STAU1: variants seen among roughly 807,000 people sequenced by gnomAD.
STAU1 encodes the protein double-stranded RNA-binding protein Staufen homolog 1.
Under a neutral mutation model 62.9 loss-of-function variants are expected in STAU1, and 13 were observed. That is an observed-to-expected ratio of 0.21 (90% confidence interval 0.13 to 0.33). The LOEUF (loss-of-function observed/expected upper bound fraction) is 0.33, where lower values mean the gene tolerates loss of function less well. STAU1 is among the 10% of genes least tolerant of loss of function. The pLI is 1.00. For synonymous variants in STAU1, 269 were observed against 265.1 expected, an observed-to-expected ratio of 1.01 and a Z score of -0.14; for missense variants, 571 against 712.1, an observed-to-expected ratio of 0.80 and a Z score of 2.25.
intron 6 of STAU1, among the ~76,000 whole-genome samples, chr20:49,131,623 G>A (rs1218847495): frequency 1.3e-5 from 2 of 152,010 alleles, no homozygotes; most frequent in African/African-American, 2.4e-5. Context: ...CAGGCAGATC[G>A]CTTGAGGTCA....
intron 2 of STAU1, among the ~76,000 whole-genome samples, chr20:49,171,918 T>TAAA (rs767623434): frequency 2.3e-5 from 3 of 130,978 alleles, no homozygotes; most frequent in East Asian, 2.1e-4. Flanking sequence ...CAAACTACTT[T>TAAA]AAAAAAAAAA....
At chr20:49,156,465 T>TAC (rs1298941625) in intron 3 of STAU1, among the ~76,000 whole-genome samples, 1 of 152,228 alleles carries the variant, frequency 6.6e-6, no homozygotes, top group Non-Finnish European at 1.5e-5. Flanking sequence ...TACTACATGG[T>TAC]ACCTCTAGAC....
chr20:49,121,343 G>A (rs1041139852), intron 8 of STAU1, among the ~76,000 whole-genome samples: 1 of 151,842 alleles, frequency 6.6e-6, no homozygotes, highest in African/African-American at 2.4e-5. Flanking sequence ...GGGAGGCAGA[G>A]GTTGCAGTGA....
At chr20:49,217,188 G>T in the STAU1 span, among the ~76,000 whole-genome samples, 14 of 151,914 alleles carry the variant, frequency 9.2e-5, no homozygotes, top group African/African-American at 3.4e-4. Flanking sequence ...GGAATGAATT[G>T]CTGCTTCTAG....
the STAU1 span, among the ~76,000 whole-genome samples, chr20:49,196,349 T>C: frequency 1.4e-5 from 2 of 146,940 alleles, no homozygotes; most frequent in African/African-American, 5.1e-5. Flanking sequence ...GGCCGGAGAA[T>C]GGCGTGAACC....
intron 2 of STAU1, 43 bp downstream of exon 2, chr20:49,174,152 G>A (rs2146491648): frequency 6.6e-6 from 1 of 152,288 alleles, no homozygotes; most frequent in Non-Finnish European, 1.5e-5. Flanking sequence ...AAGTACCACT[G>A]ATTATCAACA....
At chr20:49,213,767 T>C in the STAU1 span, among the ~76,000 whole-genome samples, 3 of 152,228 alleles carry the variant, frequency 2.0e-5, no homozygotes, top group Non-Finnish European at 4.4e-5. Context: ...AAAATATCAC[T>C]ACTGTCTCTT....
chr20:49,146,678 C>A (rs1028421410), intron 5 of STAU1, among the ~76,000 whole-genome samples: 14 of 151,338 alleles, frequency 9.3e-5, no homozygotes, highest in African/African-American at 3.2e-4. Flanking sequence ...GCACTCCAGC[C>A]TGGGCAACAG....
Position 49,170,196 on chromosome 20 carries a change from CAAG to C in STAU1, c.-84-3914_-84-3912del, listed in dbSNP as rs990645722. Among the ~76,000 whole-genome samples, 12 of 152,214 alleles carry C rather than the reference CAAG, an allele frequency of 7.9e-5. 1 individual carries two copies. The highest frequency in any genetic ancestry group is 6.5e-4 in the Admixed American group (10 of 15,286). On this transcript the variant is annotated intron_variant, in intron 2 of 13. Coordinates refer to ENST00000371856, the MANE Select transcript of STAU1 (RefSeq NM_017453.4). ...AGCACAGTCCGAGTGATTTAATATA[CAAG>C]AAGGCAGACCCTTCTAGAAATGGTT...
chr20:49,213,783 C>T, the STAU1 span, among the ~76,000 whole-genome samples: 2 of 152,212 alleles, frequency 1.3e-5, no homozygotes, highest in African/African-American at 4.8e-5. Context: ...CTCTTTCAAA[C>T]TCTGTTTTCA....
At chr20:49,143,291 TA>T (rs2093050308) in intron 5 of STAU1, among the ~76,000 whole-genome samples, 1 of 152,166 alleles carries the variant, frequency 6.6e-6, no homozygotes, top group Non-Finnish European at 1.5e-5. Context: ...CAATAAAATC[TA>T]GGCAACATTA....
chr20:49,200,566 A>T, the STAU1 span, among the ~76,000 whole-genome samples: 1 of 151,634 alleles, frequency 6.6e-6, no homozygotes, highest in Non-Finnish European at 1.5e-5. Context: ...GCACCACTGC[A>T]CTCCAGCCTG....
At chr20:49,131,531 A>G (rs2092749738) in intron 6 of STAU1, among the ~76,000 whole-genome samples, 1 of 152,152 alleles carries the variant, frequency 6.6e-6, no homozygotes, top group African/African-American at 2.4e-5. Flanking sequence ...ACAGAAAATA[A>G]TATGTATATT....
At chr20:49,180,805 A>C (rs1213790779) in intron 1 of STAU1, among the ~76,000 whole-genome samples, 1 of 152,246 alleles carries the variant, frequency 6.6e-6, no homozygotes. Context: ...CATCTAAAAG[A>C]CTATTACTTA....
At chr20:49,126,730 T>C (rs931064477) in intron 6 of STAU1, among the ~76,000 whole-genome samples, 19 of 151,740 alleles carry the variant, frequency 1.3e-4, no homozygotes, top group East Asian at 5.8e-4. Context: ...TAAGGATAAA[T>C]AGATCAACAG....
chr20:49,146,473 G>A (rs1243604654), intron 5 of STAU1, among the ~76,000 whole-genome samples: 2 of 152,020 alleles, frequency 1.3e-5, no homozygotes, highest in African/African-American at 4.8e-5. Context: ...AGGCCAAGCT[G>A]GGCAGATCAT....
chr20:49,178,351 G>T (rs348264), intron 1 of STAU1, among the ~76,000 whole-genome samples: 4 of 152,004 alleles, frequency 2.6e-5, no homozygotes, highest in South Asian at 2.1e-4. Flanking sequence ...CCGTGGCTCA[G>T]GCCTGTAATC....
At chr20:49,169,744 A>G (rs547980879) in intron 2 of STAU1, among the ~76,000 whole-genome samples, 42 of 152,290 alleles carry the variant, frequency 2.8e-4, no homozygotes, top group African/African-American at 1.0e-3. Context: ...TGCCTCCCAC[A>G]CAGATGAGGA....
chr20:49,160,245 T>C (rs1276916164), intron 3 of STAU1, among the ~76,000 whole-genome samples: 1 of 152,226 alleles, frequency 6.6e-6, no homozygotes, highest in East Asian at 1.9e-4. Flanking sequence ...CTGAACCGTA[T>C]TATGCTACGG....
Sources: gnomAD v4.1 joint callset for allele counts (sites outside exome capture counted in the v4.1 genomes callset) on GRCh38, gnomAD v4.1.1 for gene constraint, MANE v1.5 for transcripts, NCBI Gene and HGNC (gene_info 2026-07-23, HGNC 2026-07-21) for gene names.